CTNNA2: variants seen among roughly 807,000 people sequenced by gnomAD.
The protein encoded by CTNNA2 is catenin alpha-2.
In CTNNA2, 42 loss-of-function variants were observed where a neutral mutation model predicts 101.0. That is an observed-to-expected ratio of 0.42 (90% CI 0.32 to 0.54). The LOEUF (loss-of-function observed/expected upper bound fraction) is 0.54, where lower values mean the gene tolerates loss of function less well. Ranked by LOEUF, CTNNA2 falls within the 20% of genes least tolerant of loss-of-function variation. The pLI is 0.14. For missense variants in CTNNA2, 871 were observed against 1,223.1 expected, an observed-to-expected ratio of 0.71 and a Z score of 4.29; for synonymous variants, 450 against 456.4, an observed-to-expected ratio of 0.99 and a Z score of 0.18.
chr2:79,248,665 GA>G (rs1366428056), intron 2 of CTNNA2, among the ~76,000 whole-genome samples: 1 of 152,136 alleles, frequency 6.6e-6, no homozygotes, highest in East Asian at 1.9e-4. Flanking sequence ...CACTAGCCTG[GA>G]CCTTGGCAGC....
intron 9 of CTNNA2, among the ~76,000 whole-genome samples, chr2:80,489,461 AG>A (rs1686863127): frequency 6.6e-6 from 1 of 152,182 alleles, no homozygotes; most frequent in Non-Finnish European, 1.5e-5. Context: ...AATGTATTCT[AG>A]GTTCTTTCTT....
intron 4 of CTNNA2, among the ~76,000 whole-genome samples, chr2:79,502,109 C>T (rs1345137917): frequency 2.6e-5 from 4 of 151,852 alleles, no homozygotes. Flanking sequence ...TTTTAGCAAA[C>T]ACCTGGGGCA....
chr2:80,223,502 G>A (rs1044025626), intron 7 of CTNNA2, among the ~76,000 whole-genome samples: 4 of 152,144 alleles, frequency 2.6e-5, no homozygotes, highest in African/African-American at 7.2e-5. Flanking sequence ...TCAAACTCCC[G>A]ACCTCAGGTG....
At chr2:79,411,493 G>A (rs1678410175) in intron 4 of CTNNA2, among the ~76,000 whole-genome samples, 1 of 152,046 alleles carries the variant, frequency 6.6e-6, no homozygotes, top group African/African-American at 2.4e-5. Flanking sequence ...GGCAGCCAGA[G>A]AGAAAGGTCG....
intron 4 of CTNNA2, among the ~76,000 whole-genome samples, chr2:79,425,846 T>A (rs1451402913): frequency 1.3e-5 from 2 of 152,180 alleles, no homozygotes; most frequent in Non-Finnish European, 2.9e-5. Flanking sequence ...AGAATAAAGA[T>A]GTTTATCTTT....
chr2:79,962,325 T>C (rs752537555), intron 7 of CTNNA2, among the ~76,000 whole-genome samples: 3 of 152,258 alleles, frequency 2.0e-5, no homozygotes, highest in Non-Finnish European at 4.4e-5. Context: ...AAGATAGCTT[T>C]CTGCAGCCTC....
intron 7 of CTNNA2, among the ~76,000 whole-genome samples, chr2:80,220,162 C>T (rs563988216): frequency 1.6e-4 from 24 of 152,246 alleles, no homozygotes; most frequent in African/African-American, 4.8e-4. Flanking sequence ...TAAAAGTTCA[C>T]GATTTAAATG....
intron 9 of CTNNA2, among the ~76,000 whole-genome samples, chr2:80,462,627 C>CTTT (rs1161384853): frequency 2.6e-5 from 3 of 114,352 alleles, no homozygotes; most frequent in African/African-American, 1.1e-4. Flanking sequence ...TTCTTTCTTT[C>CTTT]TTTCTTTTTT....
At chr2:79,614,588 A>G (rs1186150419) in intron 1 of CTNNA2, among the ~76,000 whole-genome samples, 2 of 152,168 alleles carry the variant, frequency 1.3e-5, no homozygotes, top group African/African-American at 4.8e-5. Context: ...ATAAATTTTA[A>G]AATGCTCTAA....
chr2:79,930,310 A>C (rs1022930609), intron 7 of CTNNA2, among the ~76,000 whole-genome samples: 1 of 86,186 alleles, frequency 1.2e-5, no homozygotes. Context: ...GAAAGAAAGA[A>C]AGAAAGAAAG....
chr2:80,340,270 G>A (rs529236718), intron 7 of CTNNA2, among the ~76,000 whole-genome samples: 1 of 152,280 alleles, frequency 6.6e-6, no homozygotes, highest in South Asian at 2.1e-4. Flanking sequence ...TCTCTTAGGG[G>A]AGGAACTGCC....
intron 1 of CTNNA2, among the ~76,000 whole-genome samples, chr2:79,192,843 T>G (rs1348576733): frequency 6.6e-6 from 1 of 151,962 alleles, no homozygotes; most frequent in Non-Finnish European, 1.5e-5. Context: ...AAAAGAGTAT[T>G]TAAAATATTA....
At chr2:80,411,529 T>A (rs549007420) in intron 8 of CTNNA2, among the ~76,000 whole-genome samples, 1 of 152,278 alleles carries the variant, frequency 6.6e-6, no homozygotes, top group East Asian at 1.9e-4. Context: ...GCTTTCAGAA[T>A]CCCTTGTATA....
At chr2:80,270,712 T>TC (rs1453625062) in intron 7 of CTNNA2, among the ~76,000 whole-genome samples, 1 of 152,196 alleles carries the variant, frequency 6.6e-6, no homozygotes, top group Non-Finnish European at 1.5e-5. Flanking sequence ...GTAATACCAG[T>TC]CATAGGCAGT....
chr2:80,035,119 T>C, intron 7 of CTNNA2, among the ~76,000 whole-genome samples: 1 of 147,082 alleles, frequency 6.8e-6, no homozygotes, highest in African/African-American at 2.4e-5. Flanking sequence ...GGCCCCTCCC[T>C]ATGTGTTATT....
chr2:79,934,261 A>G (rs1687637855), intron 7 of CTNNA2, among the ~76,000 whole-genome samples: 1 of 152,234 alleles, frequency 6.6e-6, no homozygotes, highest in Non-Finnish European at 1.5e-5. Context: ...TGGCCTGATT[A>G]CAGAACTTAA....
intron 7 of CTNNA2, among the ~76,000 whole-genome samples, chr2:80,188,131 A>G (rs2148992804): frequency 6.6e-6 from 1 of 152,262 alleles, no homozygotes; most frequent in Admixed American, 6.5e-5. Context: ...TTCATCTGTT[A>G]TTTCAAGGTT....
intron 1 of CTNNA2, among the ~76,000 whole-genome samples, chr2:79,566,822 CTT>C (rs1675143444): frequency 6.6e-6 from 1 of 152,080 alleles, no homozygotes; most frequent in South Asian, 2.1e-4. Context: ...GTTATACTCT[CTT>C]TTGAAATTGA....
intron 7 of CTNNA2, among the ~76,000 whole-genome samples, chr2:80,171,790 G>T (rs1217726380): frequency 6.6e-6 from 1 of 152,158 alleles, no homozygotes; most frequent in Non-Finnish European, 1.5e-5. Flanking sequence ...AGTGGCAGGG[G>T]AGCTGGGAAA....
Sources: gnomAD v4.1 joint callset for allele counts (sites outside exome capture counted in the v4.1 genomes callset) on GRCh38, gnomAD v4.1.1 for gene constraint, MANE v1.5 for transcripts, NCBI Gene and HGNC (gene_info 2026-07-23, HGNC 2026-07-21) for gene names.